ZNF407: variants seen among roughly 807,000 people sequenced by gnomAD.
ZNF407 encodes zinc finger protein 407.
Under a neutral mutation model 131.2 loss-of-function variants are expected in ZNF407, and 17 were observed. The ratio of observed to expected loss-of-function variants is 0.13; its 90% CI spans 0.09 to 0.19. The LOEUF (loss-of-function observed/expected upper bound fraction) is 0.19. ZNF407 is among the 10% of genes least tolerant of loss of function. The pLI is 1.00. For missense variants in ZNF407, 2,681 were observed against 2,830.6 expected (o/e 0.95, Z 1.20); for synonymous variants, 1,156 against 1,062.0 (o/e 1.09, Z -1.72).
Position 74,981,267 on chromosome 18 carries a change from G to T in ZNF407, c.5428+60575G>T, listed in dbSNP as rs920713450. Among the ~76,000 whole-genome samples the T allele has an allele frequency of 3.3e-5, 5 of 152,230 alleles. No individual in the cohort carries two copies. The South Asian group carries it at 1.0e-3, about 31-fold the overall frequency. ...AGGGTGAGGCGGGGCACGGGCAGCG[G>T]TTACATGCCACAGGTGTCCGCAGTG... On this transcript the variant is annotated intron_variant, in intron 8 of 8. Transcript: ENST00000299687.
chr18:74,821,882 C>T (rs1447671931), intron 4 of ZNF407, among the ~76,000 whole-genome samples: 1 of 152,200 alleles, frequency 6.6e-6, no homozygotes, highest in Non-Finnish European at 1.5e-5. Flanking sequence ...TTTACACTCC[C>T]ACCAACAGTG....
At chr18:75,056,678 C>G (rs1042545129) in intron 8 of ZNF407, among the ~76,000 whole-genome samples, 2 of 152,144 alleles carry the variant, frequency 1.3e-5, no homozygotes, top group African/African-American at 4.8e-5. Context: ...TGCATAATGC[C>G]AGGGAATTAT....
intron 1 of ZNF407, among the ~76,000 whole-genome samples, chr18:74,608,094 A>G (rs1438346268): frequency 6.6e-6 from 1 of 152,218 alleles, no homozygotes; most frequent in Non-Finnish European, 1.5e-5. Context: ...ATAATTTTAG[A>G]AAAAAGAATT....
chr18:75,024,209 C>T (rs746820129), intron 8 of ZNF407, among the ~76,000 whole-genome samples: 17 of 152,136 alleles, frequency 1.1e-4, no homozygotes, highest in Non-Finnish European at 2.5e-4. Context: ...GAGCCTAAAA[C>T]TGGTGTGCTG....
intron 8 of ZNF407, 69 bp downstream of exon 8, chr18:74,920,761 A>G (rs1217332481): frequency 6.7e-7 from 1 of 1,486,090 alleles, no homozygotes; most frequent in African/African-American, 1.4e-5. Flanking sequence ...TTATAATGCT[A>G]TTTGTACATT....
chr18:74,676,995 C>A (rs572528163), intron 3 of ZNF407, among the ~76,000 whole-genome samples: 2 of 152,136 alleles, frequency 1.3e-5, no homozygotes, highest in African/African-American at 4.8e-5. Flanking sequence ...CTTTCCCCAC[C>A]TTTTTATCTT....
At chr18:74,815,734 T>C (rs963020348) in intron 4 of ZNF407, among the ~76,000 whole-genome samples, 5 of 152,202 alleles carry the variant, frequency 3.3e-5, no homozygotes, top group Non-Finnish European at 4.4e-5. Flanking sequence ...AATCAGTCTC[T>C]GTACAGAGGC....
At chr18:74,871,559 A>G (rs1321798482) in intron 4 of ZNF407, among the ~76,000 whole-genome samples, 1 of 152,118 alleles carries the variant, frequency 6.6e-6, no homozygotes, top group Non-Finnish European at 1.5e-5. Flanking sequence ...TAGTCAATCA[A>G]CACATTTTTG....
At chr18:74,846,949 C>T (rs1467481271) in intron 4 of ZNF407, among the ~76,000 whole-genome samples, 1 of 151,700 alleles carries the variant, frequency 6.6e-6, no homozygotes, top group African/African-American at 2.4e-5. Context: ...AGCCAAGATT[C>T]TGCCACTGCA....
chr18:74,633,989 G>C lies in ZNF407; in HGVS notation c.2970G>C (p.Glu990Asp). 6.2e-7 allele frequency: 1 copy of C among 1,614,028 alleles called. No individual in the cohort carries two copies. ...ACAGCCATCTTCTTGATAAAAAGGA[G>C]CAAATATCTTCAGAGCCAGAGGACT... ...EVNSHLLDKK[E>D]QISSEPEDFA... is the part of the protein sequence containing the mutation. The change falls in exon 2 of 9, where the codon GAG (glutamate) becomes GAC (aspartate). Residue 990 changes from glutamate (E) to aspartate (D), a missense_variant. Physicochemically the swap from Glu to Asp is conservative, Grantham distance 45 (BLOSUM62 2). Around this residue, in one of 6 missense-constraint regions of ZNF407, gnomAD observed 1,789 missense variants for 1,748.7 expected, o/e 1.02. Transcript: ENST00000299687.
At chr18:75,038,378 A>G (rs1461215681) in intron 8 of ZNF407, among the ~76,000 whole-genome samples, 1 of 152,176 alleles carries the variant, frequency 6.6e-6, no homozygotes, top group Non-Finnish European at 1.5e-5. Flanking sequence ...TCTGGCAAGC[A>G]GGTAATTGGA....
At chr18:74,788,820 CAAT>C (rs1202659632) in intron 4 of ZNF407, among the ~76,000 whole-genome samples, 3 of 148,790 alleles carry the variant, frequency 2.0e-5, no homozygotes, top group African/African-American at 7.3e-5. Context: ...TATAAAATAT[CAAT>C]AAAATAAATA....
At chr18:74,885,708 G>A (rs1971300034) in intron 6 of ZNF407, among the ~76,000 whole-genome samples, 1 of 152,146 alleles carries the variant, frequency 6.6e-6, no homozygotes, top group Admixed American at 6.5e-5. Flanking sequence ...CTGCAAAGGA[G>A]TAAAGGCAAT....
At chr18:75,001,695 G>A (rs1203861393) in intron 8 of ZNF407, among the ~76,000 whole-genome samples, 1 of 152,166 alleles carries the variant, frequency 6.6e-6, no homozygotes, top group Non-Finnish European at 1.5e-5. Context: ...GTGAAAATCA[G>A]GAGAGACATT....
intron 3 of ZNF407, among the ~76,000 whole-genome samples, chr18:74,748,716 T>C (rs1451996600): frequency 1.3e-5 from 2 of 152,174 alleles, no homozygotes; most frequent in African/African-American, 4.8e-5. Flanking sequence ...AAGACTTCAT[T>C]ATGGCAGTAT....
chr18:75,010,672 C>T (rs1599292317), intron 8 of ZNF407, among the ~76,000 whole-genome samples: 1 of 152,140 alleles, frequency 6.6e-6, no homozygotes, highest in East Asian at 1.9e-4. Context: ...TACTATATAG[C>T]CATGGTGAAA....
chr18:74,829,835 A>G (rs976007910), intron 4 of ZNF407, among the ~76,000 whole-genome samples: 1 of 151,684 alleles, frequency 6.6e-6, no homozygotes, highest in East Asian at 1.9e-4. Flanking sequence ...TATTTACAAA[A>G]TTTTTTAATT....
At chr18:74,832,315 G>A (rs746123983) in intron 4 of ZNF407, among the ~76,000 whole-genome samples, 3 of 152,076 alleles carry the variant, frequency 2.0e-5, no homozygotes, top group Non-Finnish European at 2.9e-5. Context: ...GATTTATCTT[G>A]TAAAATGATC....
intron 3 of ZNF407, among the ~76,000 whole-genome samples, chr18:74,773,711 T>C (rs1263897736): frequency 6.6e-6 from 1 of 152,242 alleles, no homozygotes; most frequent in Non-Finnish European, 1.5e-5. Context: ...TGAAAAGATA[T>C]ACTGATTGTT....
Sources: gnomAD v4.1 joint callset for allele counts (sites outside exome capture counted in the v4.1 genomes callset) on GRCh38, gnomAD v4.1.1 for gene constraint, gnomAD v4.1.1 regional missense constraint, MANE v1.5 for transcripts, NCBI Gene and HGNC (gene_info 2026-07-23, HGNC 2026-07-21) for gene names.